RFX3: variants seen among roughly 807,000 people sequenced by gnomAD.
The protein encoded by RFX3 is transcription factor RFX3.
RFX3 carries 14 observed loss-of-function variants against 98.6 expected under a neutral mutation model. The ratio of observed to expected loss-of-function variants is 0.14; its 90% CI spans 0.09 to 0.22. The LOEUF (loss-of-function observed/expected upper bound fraction) is 0.22. RFX3 is among the 10% of genes least tolerant of loss of function. The pLI is 1.00. For missense variants in RFX3, 639 were observed against 926.9 expected, an observed-to-expected ratio of 0.69 and a Z score of 4.03; for synonymous variants, 383 against 328.4, an observed-to-expected ratio of 1.17 and a Z score of -1.80.
chr9:3,405,248 G>A (rs1489400966), intron 1 of RFX3, among the ~76,000 whole-genome samples: 1 of 151,986 alleles, frequency 6.6e-6, no homozygotes, highest in South Asian at 2.1e-4. Context: ...AGTTGAGCTG[G>A]GGTGTTTTTC....
Position 3,289,702 on chromosome 9 carries a change from T to C in RFX3, c.732-1452A>G, listed in dbSNP as rs541018481. Among the ~76,000 whole-genome samples the C allele has an allele frequency of 1.1e-4, 17 of 152,220 alleles. No individual in the cohort carries two copies. In the East Asian group the frequency reaches 2.1e-3, roughly 19 times the overall value. On this transcript the variant is annotated intron_variant, in intron 6 of 16. Coordinates refer to ENST00000617270, the MANE Select transcript of RFX3 (RefSeq NM_001282116.2). ...GGAGGGAGAGGTTCTTTTTATTTCA[T>C]TGGGAATGGTTGGGGGAGAGAAGCA...
intron 3 of RFX3, among the ~76,000 whole-genome samples, chr9:3,338,085 G>A (rs182647597): frequency 6.6e-6 from 1 of 152,126 alleles, no homozygotes; most frequent in Admixed American, 6.5e-5. Context: ...TGTCTATTTT[G>A]TGGAAGACAC....
intron 1 of RFX3, chr9:3,490,276 T>C (rs1488142484): frequency 1.0e-6 from 1 of 953,288 alleles, no homozygotes; most frequent in African/African-American, 1.9e-5. Context: ...GTGTTCAAAT[T>C]ACCTCATATT....
chr9:3,449,259 T>C (rs778133906), intron 1 of RFX3, among the ~76,000 whole-genome samples: 1 of 152,186 alleles, frequency 6.6e-6, no homozygotes, highest in African/African-American at 2.4e-5. Context: ...TCTTCAAGCA[T>C]AGGTCTCAAC....
At chr9:3,233,865 A>G (rs1172740848) in intron 15 of RFX3, among the ~76,000 whole-genome samples, 1 of 152,202 alleles carries the variant, frequency 6.6e-6, no homozygotes, top group Non-Finnish European at 1.5e-5. Flanking sequence ...GATCACCATT[A>G]TCAATATTGT....
At chr9:3,429,024 T>TC (rs1235261423) in intron 1 of RFX3, among the ~76,000 whole-genome samples, 1 of 141,280 alleles carries the variant, frequency 7.1e-6, no homozygotes, top group Non-Finnish European at 1.5e-5. Context: ...TTTTAGTTAC[T>TC]CTTTTTTTTT....
chr9:3,525,933 AGAGAGAGG>A lies in RFX3; in HGVS notation c.-203_-196del. 4 of 926,436 alleles carry A rather than the reference AGAGAGAGG, an allele frequency of 4.3e-6. No individual in the cohort carries two copies. The highest frequency in any genetic ancestry group is 5.1e-6 in the Non-Finnish European group (4 of 781,874). 57.4% of individuals were successfully genotyped at this position (926,436 alleles called of 1,614,324 possible). The stretch of plus-strand genomic sequence containing the variant: ...GGTTGCTATAACTCACAAAAGAGAG[AGAGAGAGG>A]GAGAGAGAGAGAGAGCGAGAGGGAG... On this transcript the variant is annotated 5_prime_UTR_variant, in exon 1 of 17. Coordinates refer to ENST00000617270, the MANE Select transcript of RFX3 (RefSeq NM_001282116.2).
chr9:3,522,185 T>A (rs924676599), intron 1 of RFX3, among the ~76,000 whole-genome samples: 1 of 152,188 alleles, frequency 6.6e-6, no homozygotes, highest in Non-Finnish European at 1.5e-5. Flanking sequence ...AAGTGACACC[T>A]GTTTAAAGCA....
chr9:3,273,161 C>G (rs950376689), intron 9 of RFX3, among the ~76,000 whole-genome samples: 1 of 152,104 alleles, frequency 6.6e-6, no homozygotes, highest in African/African-American at 2.4e-5. Context: ...TGGCTTAGGG[C>G]AAATGACTAC....
intron 2 of RFX3, among the ~76,000 whole-genome samples, chr9:3,369,282 T>C (rs182501271): frequency 4.6e-5 from 7 of 152,332 alleles, no homozygotes; most frequent in East Asian, 1.9e-4. Context: ...TTCTGGCTCA[T>C]AGACTGACCT....
chr9:3,363,651 G>C (rs1285794824), intron 2 of RFX3, among the ~76,000 whole-genome samples: 1 of 152,156 alleles, frequency 6.6e-6, no homozygotes, highest in East Asian at 1.9e-4. Context: ...CTAAGGTGAA[G>C]TAAAAATGGT....
chr9:3,357,372 G>A (rs1012080452), intron 2 of RFX3, among the ~76,000 whole-genome samples: 1 of 151,504 alleles, frequency 6.6e-6, no homozygotes, highest in African/African-American at 2.4e-5. Context: ...TTTCCTTTGA[G>A]GCCTAATTAA....
In RFX3 at chr9:3,302,278, G is replaced by C. The variant is rs967070889; in HGVS notation, c.475-658C>G. Among the ~76,000 whole-genome samples the C allele has an allele frequency of 2.6e-5, 4 of 151,876 alleles. No homozygotes were observed. In the South Asian group the frequency reaches 6.2e-4, roughly 24 times the overall value. On this transcript the variant is annotated intron_variant, in intron 4 of 16. Transcript: ENST00000617270. ...GACAGCAGAAATGGAATGAAGAAGA[G>C]AAAATAATTCAGAGACAACAAAGAG...
intron 10 of RFX3, chr9:3,270,761 T>G: frequency 1.5e-6 from 1 of 668,426 alleles, no homozygotes; most frequent in Non-Finnish European, 2.5e-6. Context: ...GCAGATATGA[T>G]AGTAATTCCA....
intron 1 of RFX3, among the ~76,000 whole-genome samples, chr9:3,465,668 C>T (rs1264394279): frequency 2.0e-5 from 3 of 151,874 alleles, no homozygotes; most frequent in Admixed American, 2.0e-4. Flanking sequence ...CTACAAAAAT[C>T]AAAGCTATTA....
At chr9:3,379,876 G>A (rs1233964027) in intron 2 of RFX3, among the ~76,000 whole-genome samples, 1 of 133,020 alleles carries the variant, frequency 7.5e-6, no homozygotes, top group Non-Finnish European at 1.6e-5. Context: ...ATAACTTATG[G>A]GCAATTTATT....
At chr9:3,303,241 T>C (rs1175934622) in intron 4 of RFX3, among the ~76,000 whole-genome samples, 1 of 151,868 alleles carries the variant, frequency 6.6e-6, no homozygotes, top group Non-Finnish European at 1.5e-5. Flanking sequence ...ATGTAATGAA[T>C]GAACAAACAT....
chr9:3,466,053 C>G (rs1359515876), intron 1 of RFX3, among the ~76,000 whole-genome samples: 3 of 152,114 alleles, frequency 2.0e-5, no homozygotes, highest in African/African-American at 7.2e-5. Context: ...AAACAGCATT[C>G]ATTAAGTACC....
intron 1 of RFX3, among the ~76,000 whole-genome samples, chr9:3,434,343 T>C (rs147579998): frequency 3.9e-5 from 6 of 152,168 alleles, no homozygotes; most frequent in Admixed American, 3.9e-4. Flanking sequence ...TCATCCTTTA[T>C]AAGGCTCATC....
Sources: gnomAD v4.1 joint callset for allele counts (sites outside exome capture counted in the v4.1 genomes callset) on GRCh38, gnomAD v4.1.1 for gene constraint, MANE v1.5 for transcripts, NCBI Gene and HGNC (gene_info 2026-07-23, HGNC 2026-07-21) for gene names.